The following GSE1 variants were observed in gnomAD, a reference collection of about 807,000 sequenced individuals.
The protein encoded by GSE1 is Gse1 coiled-coil protein, also known as genetic suppressor element 1.
GSE1 carries 32 observed loss-of-function variants against 112.6 expected under a neutral mutation model. The observed-to-expected ratio is 0.28, with a 90% CI of 0.21 to 0.38. The LOEUF is 0.38. GSE1 is among the 10% of genes least tolerant of loss of function. The pLI, the probability that GSE1 is intolerant of heterozygous loss-of-function variation, is 1.00. For missense variants in GSE1, 2,348 were observed against 1,699.2 expected, an observed-to-expected ratio of 1.38 and a Z score of -6.71; for synonymous variants, 1,115 against 735.6, an observed-to-expected ratio of 1.52 and a Z score of -8.35.
At chr16:85,317,764 C>T (rs768118814) in intron 1 of GSE1, among the ~76,000 whole-genome samples, 1 of 152,182 alleles carries the variant, frequency 6.6e-6, no homozygotes, top group Non-Finnish European at 1.5e-5. Flanking sequence ...CCGCGCTGCC[C>T]ACCAGTGTAT....
intron 1 of GSE1, among the ~76,000 whole-genome samples, chr16:85,583,937 C>A (rs76706723): frequency 6.6e-6 from 1 of 152,206 alleles, no homozygotes; most frequent in Non-Finnish European, 1.5e-5. Context: ...GAGTACAAAA[C>A]GCTGTTTCAA....
rs935532081 is a variant in GSE1, at chr16:85,343,329, G to A, written c.2284-14134G>A. ...GTTCTAGAATGGAGAGCAGATTAGCGGTTATCAATTCCTGCTTGTGGCGGG... is the reference window on the plus strand; with the variant it reads ...GTTCTAGAATGGAGAGCAGATTAGCAGTTATCAATTCCTGCTTGTGGCGGG... On this transcript the variant is annotated intron_variant, in intron 1 of 2. Transcript: ENST00000637419. 2.0e-5 allele frequency among the ~76,000 whole-genome samples: 3 copies of A among 152,278 alleles called. No homozygotes were observed. The South Asian group carries it at 6.2e-4, about 32-fold the overall frequency.
At chr16:85,553,612 G>A (rs1192419825), upstream of GSE1, among the ~76,000 whole-genome samples, 1 of 152,076 alleles carries the variant, frequency 6.6e-6, no homozygotes, top group African/African-American at 2.4e-5. Context: ...AGCCCCGGAG[G>A]AAGGCGGCCG....
At chr16:85,426,465 G>GGAGA (rs1351986638) in intron 2 of GSE1, among the ~76,000 whole-genome samples, 2 of 139,348 alleles carry the variant, frequency 1.4e-5, no homozygotes, top group African/African-American at 5.6e-5. Context: ...AGGGAGAAAG[G>GGAGA]GAGGGAGGGA....
At chr16:85,582,647 G>C (rs548128745) in intron 1 of GSE1, among the ~76,000 whole-genome samples, 74 of 152,244 alleles carry the variant, frequency 4.9e-4, no homozygotes, top group Middle Eastern at 3.4e-3. Flanking sequence ...AGCCGCCTGG[G>C]GTGCCTGGAG....
At position 85,221,382 on chromosome 16, in the gene GSE1, C is replaced by T. The variant is rs1332886847; in HGVS notation, c.2283+49575C>T. On this transcript the variant is annotated intron_variant, in intron 1 of 2. Transcript: ENST00000637419. ...ACACCATGTACATATACTACACACACCCACATGCATACACACATACCACAT... is the reference window on the plus strand; with the variant it reads ...ACACCATGTACATATACTACACACATCCACATGCATACACACATACCACAT... 2.0e-5 allele frequency among the ~76,000 whole-genome samples: 3 copies of T among 152,076 alleles called. No individual in the cohort carries two copies. In the East Asian group the frequency reaches 5.8e-4, roughly 29 times the overall value.
At chr16:85,622,738 A>G (rs2048819268) in intron 1 of GSE1, among the ~76,000 whole-genome samples, 1 of 152,158 alleles carries the variant, frequency 6.6e-6, no homozygotes, top group African/African-American at 2.4e-5. Flanking sequence ...CTTGGGGTTG[A>G]CACACGCCAG....
At chr16:85,655,018 G>C in intron 5 of GSE1, 27 bp downstream of exon 5, 1 of 1,411,094 alleles carries the variant, frequency 7.1e-7, no homozygotes, top group South Asian at 1.2e-5. Context: ...GCGCCCTCTC[G>C]TCTAGGTGCT....
At chr16:85,240,365 C>A (rs1439189214) in intron 1 of GSE1, among the ~76,000 whole-genome samples, 1 of 149,846 alleles carries the variant, frequency 6.7e-6, no homozygotes, top group Non-Finnish European at 1.5e-5. Flanking sequence ...TCAGTTGGCT[C>A]AGGCCCCCTC....
chr16:85,522,940 ACT>A (rs1204807593), intron 2 of GSE1, among the ~76,000 whole-genome samples: 1 of 150,944 alleles, frequency 6.6e-6, no homozygotes, highest in Non-Finnish European at 1.5e-5. Context: ...TGTGCATGTG[ACT>A]CTGCATGACC....
intron 1 of GSE1, among the ~76,000 whole-genome samples, chr16:85,356,266 A>T (rs1175230150): frequency 6.6e-6 from 1 of 152,250 alleles, no homozygotes; most frequent in Non-Finnish European, 1.5e-5. Context: ...CAGTGAGCCC[A>T]GGTGCACGCA....
intron 2 of GSE1, among the ~76,000 whole-genome samples, chr16:85,479,598 C>G (rs896386715): frequency 1.3e-5 from 2 of 152,174 alleles, no homozygotes; most frequent in African/African-American, 4.8e-5. Context: ...GCCACCGTGC[C>G]TGGCTTATAT....
intron 2 of GSE1, among the ~76,000 whole-genome samples, chr16:85,510,189 A>G (rs1220731466): frequency 6.6e-6 from 1 of 152,162 alleles, no homozygotes; most frequent in African/African-American, 2.4e-5. Context: ...CTCAGAAAGA[A>G]AGTGCTTTGT....
chr16:85,516,958 C>T (rs922285950), intron 2 of GSE1, among the ~76,000 whole-genome samples: 4 of 152,112 alleles, frequency 2.6e-5, no homozygotes, highest in East Asian at 1.9e-4. Context: ...TCACCACGCC[C>T]GGCTAATTTT....
At chr16:85,271,698 G>T (rs1443466651) in intron 1 of GSE1, among the ~76,000 whole-genome samples, 3 of 152,196 alleles carry the variant, frequency 2.0e-5, no homozygotes, top group African/African-American at 7.2e-5. Context: ...CTGTGATCAG[G>T]TGCCATGACC....
At chr16:85,262,676 C>A (rs1376866194) in intron 1 of GSE1, among the ~76,000 whole-genome samples, 1 of 152,184 alleles carries the variant, frequency 6.6e-6, no homozygotes, top group South Asian at 2.1e-4. Flanking sequence ...AGCAATCAGA[C>A]CAGAGTGGGA....
chr16:85,173,646 G>C (rs886997444), intron 1 of GSE1, among the ~76,000 whole-genome samples: 7 of 152,162 alleles, frequency 4.6e-5, no homozygotes, highest in Admixed American at 6.5e-5. Context: ...ACAGGGTTTT[G>C]TGCAAAGTAT....
chr16:85,220,723 T>G (rs1029542887), intron 1 of GSE1, among the ~76,000 whole-genome samples: 1 of 152,270 alleles, frequency 6.6e-6, no homozygotes, highest in African/African-American at 2.4e-5. Flanking sequence ...TCTCTCGCGC[T>G]CTCTGCACCT....
chr16:85,542,040 G>C (rs2044537350), intron 2 of GSE1, among the ~76,000 whole-genome samples: 1 of 152,202 alleles, frequency 6.6e-6, no homozygotes, highest in Admixed American at 6.5e-5. Flanking sequence ...TCATTTCAGG[G>C]TTTTATTAGG....
Sources: gnomAD v4.1 joint callset for allele counts (sites outside exome capture counted in the v4.1 genomes callset) on GRCh38, gnomAD v4.1.1 for gene constraint, MANE v1.5 for transcripts, NCBI Gene and HGNC (gene_info 2026-07-23, HGNC 2026-07-21) for gene names.